Variants in CLIC4 observed in about 807,000 individuals in gnomAD.
The protein encoded by CLIC4 is chloride intracellular channel protein 4.
A neutral mutation model predicts 24.6 loss-of-function variants in CLIC4; 13 were observed. The ratio of observed to expected loss-of-function variants is 0.53; its 90% CI spans 0.34 to 0.84. The LOEUF is 0.84. Ranked by LOEUF, CLIC4 falls within the 40% of genes least tolerant of loss-of-function variation. The pLI, the probability that CLIC4 is intolerant of heterozygous loss-of-function variation, is 0.01. For missense variants in CLIC4, 227 were observed against 301.7 expected (o/e 0.75, Z 1.83); for synonymous variants, 104 against 111.3 (o/e 0.93, Z 0.41).
intron 2 of CLIC4, among the ~76,000 whole-genome samples, chr1:24,807,549 T>G (rs1345251283): frequency 6.6e-6 from 1 of 152,130 alleles, no homozygotes; most frequent in African/African-American, 2.4e-5. Flanking sequence ...TCTGATTGGC[T>G]AATTTAAAGA....
At chr1:24,794,874 G>A (rs371655384) in intron 1 of CLIC4, among the ~76,000 whole-genome samples, 1 of 152,124 alleles carries the variant, frequency 6.6e-6, no homozygotes, top group Admixed American at 6.6e-5. Context: ...TTTGTGTATG[G>A]TATAAGGAAG....
intron 1 of CLIC4, among the ~76,000 whole-genome samples, chr1:24,775,336 G>T (rs1042329734): frequency 1.5e-5 from 2 of 129,330 alleles, no homozygotes; most frequent in African/African-American, 5.8e-5. Context: ...CTGTAAATTT[G>T]TCTTTTTTTG....
At chr1:24,811,667 G>C (rs573043042) in intron 2 of CLIC4, among the ~76,000 whole-genome samples, 1 of 152,242 alleles carries the variant, frequency 6.6e-6, no homozygotes, top group South Asian at 2.1e-4. Context: ...ATAGAGATGG[G>C]ATCTCACTAT....
chr1:24,760,789 T>A (rs1324469886), intron 1 of CLIC4, among the ~76,000 whole-genome samples: 1 of 152,106 alleles, frequency 6.6e-6, no homozygotes, highest in East Asian at 1.9e-4. Context: ...TGCTGGTGAT[T>A]AAATGCTGTG....
rs144827280 is a variant in CLIC4 at position 24,825,159 on chromosome 1, ATTATT to A, written c.309-1847_309-1843del. 3.4e-3 allele frequency among the ~76,000 whole-genome samples: 513 copies of A among 152,280 alleles called. 4 individuals are homozygous for A. The highest frequency in any genetic ancestry group is 0.012 in the African/African-American group (490 of 41,556). On this transcript the variant is annotated intron_variant, in intron 3 of 5. Coordinates refer to ENST00000374379, the MANE Select transcript of CLIC4 (RefSeq NM_013943.3). ...GTAATTCAAGCCTGCCTTCCCGAAA[ATTATT>A]TTAAGAACTATGAGGCTTACTTCAT...
At chr1:24,746,190 G>A (rs1162709951) in intron 1 of CLIC4, among the ~76,000 whole-genome samples, 1 of 152,244 alleles carries the variant, frequency 6.6e-6, no homozygotes, top group African/African-American at 2.4e-5. Context: ...AGGTGCTCTT[G>A]GACCTTCGGA....
chr1:24,794,947 G>C (rs930543178), intron 1 of CLIC4, among the ~76,000 whole-genome samples: 6 of 152,150 alleles, frequency 3.9e-5, no homozygotes, highest in African/African-American at 1.4e-4. Context: ...GATTGAATAT[G>C]GAGTCTTTGA....
intron 2 of CLIC4, among the ~76,000 whole-genome samples, chr1:24,812,142 C>T (rs1202323118): frequency 6.6e-6 from 1 of 152,016 alleles, no homozygotes; most frequent in Non-Finnish European, 1.5e-5. Context: ...TGACCCATAC[C>T]TATTTGATTT....
intron 2 of CLIC4, among the ~76,000 whole-genome samples, chr1:24,803,319 A>G (rs1489296731): frequency 4.6e-5 from 7 of 152,208 alleles, no homozygotes; most frequent in African/African-American, 1.7e-4. Context: ...AGAACAAACC[A>G]GTGGAGAACA....
At chr1:24,792,363 A>G (rs1639351097) in intron 1 of CLIC4, among the ~76,000 whole-genome samples, 1 of 151,748 alleles carries the variant, frequency 6.6e-6, no homozygotes, top group Non-Finnish European at 1.5e-5. Flanking sequence ...CTAATTTTCT[A>G]ATTTTTTTAG....
intron 1 of CLIC4, among the ~76,000 whole-genome samples, chr1:24,794,514 G>T (rs192667468): frequency 2.6e-5 from 4 of 151,936 alleles, no homozygotes; most frequent in African/African-American, 9.7e-5. Context: ...TCTTCATGTC[G>T]GTTGCCCACA....
rs945926414 is a variant in CLIC4 at position 24,843,981 on chromosome 1, T to C, written c.*3044T>C. The C allele has an allele frequency of 6.6e-6, 1 of 152,636 alleles. No homozygotes were observed. Among genetic ancestry groups the C allele is most frequent in the Non-Finnish European group, 1.5e-5 (1 of 68,024 alleles). 9.5% of individuals were successfully genotyped at this position (152,636 alleles called of 1,614,324 possible). A position where few individuals can be genotyped will look rare whatever the true frequency, so the allele number is the denominator to read the frequency against. The stretch of plus-strand genomic sequence containing the variant: ...ATTAATTTGAATTTAAGCATTTAAT[T>C]CAAAGAGAGGGGAGCATCCATTATT... On this transcript the variant is annotated 3_prime_UTR_variant, in exon 6 of 6. Coordinates refer to ENST00000374379, the MANE Select transcript of CLIC4 (RefSeq NM_013943.3).
intron 4 of CLIC4, among the ~76,000 whole-genome samples, chr1:24,828,124 A>G (rs144916570): frequency 6.6e-6 from 1 of 152,316 alleles, no homozygotes; most frequent in African/African-American, 2.4e-5. Flanking sequence ...AAAGTGAAAT[A>G]CTTGCTAATT....
At chr1:24,760,239 G>T (rs993933840) in intron 1 of CLIC4, among the ~76,000 whole-genome samples, 1 of 151,954 alleles carries the variant, frequency 6.6e-6, no homozygotes, top group Non-Finnish European at 1.5e-5. Context: ...GGTGGCGGGT[G>T]CCTGTAATTT....
chr1:24,841,100 T>C lies in CLIC4; in HGVS notation c.*163T>C. On this transcript the variant is annotated 3_prime_UTR_variant, in exon 6 of 6. Transcript: ENST00000374379. Reference sequence around the variant, plus strand: ...AAGGTATAGTAGTTATCTTAAAATATACACTCCTAAGCAGTATTATTTTAA... The same window carrying C: ...AAGGTATAGTAGTTATCTTAAAATACACACTCCTAAGCAGTATTATTTTAA... 2.0e-6 allele frequency: 1 copy of C among 501,746 alleles called. No homozygotes were observed. Among genetic ancestry groups the C allele is most frequent in the Non-Finnish European group, 3.4e-6 (1 of 294,704 alleles). 31.1% of individuals were successfully genotyped at this position (501,746 alleles called of 1,614,324 possible). A position where few individuals can be genotyped will look rare whatever the true frequency, so the allele number is the denominator to read the frequency against.
chr1:24,808,055 A>G (rs887272196), intron 2 of CLIC4, among the ~76,000 whole-genome samples: 3 of 151,948 alleles, frequency 2.0e-5, no homozygotes, highest in Admixed American at 6.6e-5. Context: ...GATTCAAGCA[A>G]TTCTCCTTCC....
chr1:24,767,024 TAAAAAAAAAAAAA>T (rs34142565), intron 1 of CLIC4, among the ~76,000 whole-genome samples: 3 of 71,090 alleles, frequency 4.2e-5, no homozygotes, highest in African/African-American at 2.1e-4. Flanking sequence ...GCTGATGAGC[TAAAAAAAAAAAAA>T]AAAAAAAAAA....
At chr1:24,772,257 T>C (rs769556426) in intron 1 of CLIC4, among the ~76,000 whole-genome samples, 9 of 152,134 alleles carry the variant, frequency 5.9e-5, no homozygotes, top group Non-Finnish European at 1.3e-4. Flanking sequence ...TCTTCTTCTT[T>C]TTTTTTTAAA....
chr1:24,779,400 G>A (rs903994100), intron 1 of CLIC4, among the ~76,000 whole-genome samples: 6 of 152,130 alleles, frequency 3.9e-5, no homozygotes, highest in Non-Finnish European at 5.9e-5. Flanking sequence ...AACCCAGGAG[G>A]TCAAGGCTGC....
Sources: allele counts gnomAD v4.1 joint callset (sites outside exome capture counted in the v4.1 genomes callset), GRCh38; gene constraint gnomAD v4.1.1; transcripts MANE v1.5; gene names NCBI Gene and HGNC (gene_info 2026-07-23, HGNC 2026-07-21).